NHLRC2: variants seen among roughly 807,000 people sequenced by gnomAD.
The protein encoded by NHLRC2 is NHL repeat-containing protein 2.
Under a neutral mutation model 68.1 loss-of-function variants are expected in NHLRC2, and 33 were observed. The observed-to-expected ratio is 0.48, with a 90% CI of 0.37 to 0.65. The LOEUF is 0.65. Among genes scored for constraint, NHLRC2 ranks in the 30% least tolerant of loss-of-function variants. NHLRC2 has a pLI of 0.00. For missense variants in NHLRC2, 761 were observed against 853.8 expected, an observed-to-expected ratio of 0.89 and a Z score of 1.35; for synonymous variants, 311 against 309.6, an observed-to-expected ratio of 1.00 and a Z score of -0.05.
At chr10:113,879,435 C>A in intron 3 of NHLRC2, 139 bp from the exon 4 acceptor site, 1 of 692,510 alleles carries the variant, frequency 1.4e-6, no homozygotes, top group Non-Finnish European at 2.4e-6. Context: ...GAAAAATGTT[C>A]CTTGGGGAAC....
intron 4 of NHLRC2, among the ~76,000 whole-genome samples, chr10:113,882,219 C>T (rs944149689): frequency 3.3e-5 from 5 of 151,854 alleles, no homozygotes; most frequent in Non-Finnish European, 5.9e-5. Flanking sequence ...TGGGTAGATA[C>T]CTAGAATTGG....
intron 2 of NHLRC2, among the ~76,000 whole-genome samples, chr10:113,871,923 G>GT (rs1845929584): frequency 1.3e-5 from 2 of 152,202 alleles, no homozygotes; most frequent in African/African-American, 4.8e-5. Context: ...TTCTATTGCT[G>GT]TAAGTCTGTG....
At chr10:113,902,237 C>T (rs868125207) in intron 7 of NHLRC2, among the ~76,000 whole-genome samples, 7 of 152,102 alleles carry the variant, frequency 4.6e-5, no homozygotes, top group Non-Finnish European at 1.0e-4. Context: ...TATTCCTGAC[C>T]AGATGTAGTA....
At chr10:113,874,891 G>A (rs2134704428) in intron 2 of NHLRC2, among the ~76,000 whole-genome samples, 1 of 151,410 alleles carries the variant, frequency 6.6e-6, no homozygotes, top group African/African-American at 2.4e-5. Context: ...AACATTTTTA[G>A]TTACTTTTTA....
At chr10:113,892,204 A>G (rs1846139314) in intron 5 of NHLRC2, among the ~76,000 whole-genome samples, 1 of 152,106 alleles carries the variant, frequency 6.6e-6, no homozygotes, top group Non-Finnish European at 1.5e-5. Context: ...TTAAAGCTGG[A>G]TTTCAGGTAA....
rs1213487852 is a variant in NHLRC2, at chr10:113,904,833, C to G, written c.1721C>G (p.Ser574Cys). ...ATTTCCTAGCTCCCCATCTTCAGAT[C>G]TGAAAATGCTGTGGTAGATGGCCCG... is the stretch of plus-strand genomic sequence containing the variant. ...KMVSVLPIFRSENAVVDGPFL... is the reference protein window; with the variant it reads ...KMVSVLPIFRCENAVVDGPFL... The change falls in exon 10 of 11, where the codon TCT (serine) becomes TGT (cysteine). Residue 574 changes from serine to cysteine, a missense_variant. Coordinates refer to ENST00000369301, the MANE Select transcript of NHLRC2 (RefSeq NM_198514.4). The G allele has an allele frequency of 3.1e-6, 5 of 1,613,294 alleles. No individual in the cohort carries two copies. In the South Asian group the frequency reaches 5.5e-5, roughly 18 times the overall value.
intron 2 of NHLRC2, among the ~76,000 whole-genome samples, chr10:113,860,910 G>T (rs1398295010): frequency 2.0e-5 from 3 of 152,172 alleles, no homozygotes; most frequent in Non-Finnish European, 2.9e-5. Flanking sequence ...GACTTATGAT[G>T]ATTCGACTTA....
intron 2 of NHLRC2, among the ~76,000 whole-genome samples, chr10:113,861,550 G>GA (rs1328870218): frequency 6.6e-6 from 1 of 152,196 alleles, no homozygotes; most frequent in Non-Finnish European, 1.5e-5. Flanking sequence ...AGAATTCTAT[G>GA]ACTGGCAAAC....
chr10:113,862,047 AT>A (rs995982766), intron 2 of NHLRC2, among the ~76,000 whole-genome samples: 2 of 151,254 alleles, frequency 1.3e-5, no homozygotes, highest in African/African-American at 4.9e-5. Context: ...TACTTTTTGT[AT>A]TTTTTTTAGT....
chr10:113,875,349 T>C (rs757770620), intron 2 of NHLRC2, among the ~76,000 whole-genome samples: 1 of 152,166 alleles, frequency 6.6e-6, no homozygotes, highest in African/African-American at 2.4e-5. Flanking sequence ...TACTGTAGTT[T>C]AGGGGTTAAA....
At chr10:113,855,576 A>T (rs917893194) in intron 1 of NHLRC2, among the ~76,000 whole-genome samples, 13 of 151,506 alleles carry the variant, frequency 8.6e-5, no homozygotes, top group African/African-American at 3.2e-4. Flanking sequence ...CAGGCGATTC[A>T]CCTGCCTCAG....
chr10:113,910,492 C>G lies in NHLRC2; in HGVS notation c.*1956C>G, dbSNP rs1251602636. The G allele has an allele frequency of 6.6e-6, 1 of 152,320 alleles. No individual in the cohort carries two copies. Among genetic ancestry groups the G allele is most frequent in the East Asian group, 1.9e-4 (1 of 5,184 alleles). 9.4% of individuals were successfully genotyped at this position (152,320 alleles called of 1,614,324 possible). On this transcript the variant is annotated 3_prime_UTR_variant, in exon 11 of 11. Coordinates refer to ENST00000369301, the MANE Select transcript of NHLRC2 (RefSeq NM_198514.4). The stretch of plus-strand genomic sequence containing the variant: ...TGCTGGGATTACAGGTGTGAGCCAC[C>G]TTGCCCTACTGGCCTTAGTTAATTT...
At chr10:113,866,028 T>C (rs1254834004) in intron 2 of NHLRC2, among the ~76,000 whole-genome samples, 1 of 152,244 alleles carries the variant, frequency 6.6e-6, no homozygotes, top group African/African-American at 2.4e-5. Context: ...CATTTTACCA[T>C]AAAGCCAAAA....
intron 3 of NHLRC2, 108 bp from the exon 4 acceptor site, chr10:113,879,466 A>ATAC: frequency 1.0e-6 from 1 of 976,538 alleles, no homozygotes; most frequent in Non-Finnish European, 1.5e-6. Context: ...TTAGATGGAC[A>ATAC]TACCATTTTT....
rs1845736234 is a variant in NHLRC2, at chr10:113,855,273, C to A, written c.178+223C>A. Among the ~76,000 whole-genome samples the A allele has an allele frequency of 2.6e-5, 4 of 152,226 alleles. No homozygotes were observed. In the South Asian group the frequency reaches 8.3e-4, roughly 32 times the overall value. On this transcript the variant is annotated intron_variant, in intron 1 of 10. Transcript: ENST00000369301. The stretch of plus-strand genomic sequence containing the variant: ...CTGGCACGGGGATCCACATACTCGT[C>A]TGTGTATCCTGAGTTCCGCCCGCGC...
Position 113,915,019 on chromosome 10 carries a change from C to T in NHLRC2, c.*6483C>T, listed in dbSNP as rs960603143. The T allele has an allele frequency of 1.3e-5, 6 of 456,100 alleles. No individual in the cohort carries two copies. Among genetic ancestry groups the T allele is most frequent in the African/African-American group, 4.0e-5 (2 of 50,048 alleles). 28.3% of individuals were successfully genotyped at this position (456,100 alleles called of 1,614,324 possible). A position where few individuals can be genotyped will look rare whatever the true frequency, so the allele number is the denominator to read the frequency against. On this transcript the variant is annotated 3_prime_UTR_variant, in exon 11 of 11. Coordinates refer to ENST00000369301, the MANE Select transcript of NHLRC2 (RefSeq NM_198514.4). ...AGGTGGAACAGGAGGCAGCCCCACT[C>T]GGCTTTTCTGATTGCATCCCACCTG...
chr10:113,895,699 C>T (rs1341861624), intron 5 of NHLRC2, among the ~76,000 whole-genome samples: 1 of 152,016 alleles, frequency 6.6e-6, no homozygotes, highest in Non-Finnish European at 1.5e-5. Context: ...ATGATGTGCT[C>T]ATTTTACAGA....
intron 2 of NHLRC2, among the ~76,000 whole-genome samples, chr10:113,876,310 T>G (rs939587869): frequency 1.3e-5 from 2 of 152,086 alleles, no homozygotes; most frequent in African/African-American, 4.8e-5. Context: ...TCATGTGTGT[T>G]TTTATGTAGT....
intron 9 of NHLRC2, 98 bp from the exon 10 acceptor site, chr10:113,904,719 T>C: frequency 1.2e-6 from 1 of 866,914 alleles, no homozygotes; most frequent in Non-Finnish European, 1.8e-6. Flanking sequence ...TTCATTGACA[T>C]AGAACTTCAT....
Sources: gnomAD v4.1 joint callset for allele counts (sites outside exome capture counted in the v4.1 genomes callset) on GRCh38, gnomAD v4.1.1 for gene constraint, MANE v1.5 for transcripts, NCBI Gene and HGNC (gene_info 2026-07-23, HGNC 2026-07-21) for gene names.